The following BHLHE22 variants were observed in gnomAD, a reference collection of about 807,000 sequenced individuals.
BHLHE22 encodes the protein basic helix-loop-helix family member e22, also known as class E basic helix-loop-helix protein 22.
BHLHE22 carries 8 observed loss-of-function variants against 17.6 expected under a neutral mutation model. That is an observed-to-expected ratio of 0.45 (90% confidence interval 0.27 to 0.82). The LOEUF is 0.82. BHLHE22 is among the 40% of genes least tolerant of loss of function. The pLI, the probability that BHLHE22 is intolerant of heterozygous loss-of-function variation, is 0.16. For missense variants in BHLHE22, 570 were observed against 581.5 expected (o/e 0.98, Z 0.20); for synonymous variants, 353 against 282.7 (o/e 1.25, Z -2.49).
chr8:64,580,866 T>G lies in BHLHE22; in HGVS notation c.76T>G (p.Ser26Ala), dbSNP rs1458394058. Residue 26 changes from serine to alanine, a missense_variant, in exon 1 of 1, where the codon TCC (serine) becomes GCC (alanine). By Grantham distance (99) the Ser-to-Ala change is moderately conservative (BLOSUM62 1). This residue lies in a region of BHLHE22 where 427 missense variants were observed against 376.2 expected (regional missense o/e 1.14). Coordinates refer to ENST00000321870, the MANE Select transcript of BHLHE22 (RefSeq NM_152414.5). ...DLFLHKSLSA[S>A]TSKRLEAAFR... Reference sequence around the variant, plus strand: ...CTTCCTGCACAAGAGCCTGAGCGCCTCCACCTCCAAGCGCTTGGAAGCGGC... The same window carrying G: ...CTTCCTGCACAAGAGCCTGAGCGCCGCCACCTCCAAGCGCTTGGAAGCGGC... 1.3e-6 allele frequency: 2 copies of G among 1,516,000 alleles called. No homozygotes were observed. Among genetic ancestry groups the G allele is most frequent in the Non-Finnish European group, 1.8e-6 (2 of 1,141,882 alleles). 93.9% of individuals were successfully genotyped at this position (1,516,000 alleles called of 1,614,324 possible). A position where few individuals can be genotyped will look rare whatever the true frequency, so the allele number is the denominator to read the frequency against.
In BHLHE22 at chr8:64,581,913, A is replaced by G. The variant is rs767040975; in HGVS notation, c.1123A>G (p.Lys375Glu). Residue 375 changes from lysine to glutamate, a missense_variant, in exon 1 of 1, where the codon AAA becomes GAA. Physicochemically the swap from Lys to Glu is moderately conservative, Grantham distance 56. Transcript: ENST00000321870. The surrounding 1 kb of genome is among the most constrained non-coding windows in gnomAD (Gnocchi z 6.4). ...TAACAGCGTCTCCTCCAGCCTCTGC[A>G]AACAGTGCACGGAGAAGCCTTAAAC... ...LFNSVSSSLCKQCTEKP is the reference protein window; with the variant it reads ...LFNSVSSSLCEQCTEKP The G allele has an allele frequency of 1.2e-6, 2 of 1,611,808 alleles. No individual in the cohort carries two copies. Among genetic ancestry groups the G allele is most frequent in the South Asian group, 1.1e-5 (1 of 90,958 alleles).
rs1804893222 is a variant in BHLHE22, at chr8:64,581,318, T to G, written c.528T>G (p.Gly176=). 1 of 1,429,728 alleles carries G rather than the reference T, an allele frequency of 7.0e-7. No individual in the cohort carries two copies. The highest frequency in any genetic ancestry group is 1.5e-5 in the South Asian group (1 of 67,256). The allele number at this position is 1,429,728 out of a possible 1,614,324, so 88.6% of individuals were successfully genotyped here. A position where few individuals can be genotyped will look rare whatever the true frequency, so the allele number is the denominator to read the frequency against. The change falls in exon 1 of 1, where the codon GGT becomes GGG. Residue 176 remains glycine (G), a synonymous_variant. Coordinates refer to ENST00000321870, the MANE Select transcript of BHLHE22 (RefSeq NM_152414.5). This position sits in a 1 kb window ranked among gnomAD's most constrained non-coding sequence, Gnocchi z 6.4. ...GGGCCTCCCCGGGAGCGGGAGGTGG[T>G]GGCGCGAAGGCAGCCGAGGGCTGCT... ...DPRASPGAGG[G]GAKAAEGCSN...
Sources: allele counts gnomAD v4.1 joint callset, GRCh38; gene constraint gnomAD v4.1.1; regional missense constraint gnomAD v4.1.1; non-coding constraint Gnocchi (gnomAD v3.1); transcripts MANE v1.5; gene names NCBI Gene and HGNC (gene_info 2026-07-23, HGNC 2026-07-21).